The following PFKP variants were observed in gnomAD, a reference collection of about 807,000 sequenced individuals.
PFKP encodes phosphofructokinase, platelet.
In PFKP, 101 loss-of-function variants were observed where a neutral mutation model predicts 94.3. The ratio of observed to expected loss-of-function variants is 1.07; its 90% confidence interval spans 0.91 to 1.26. The LOEUF is 1.26. Ranked by LOEUF, PFKP falls within the 50% of genes most tolerant of loss-of-function variation. The probability of loss-of-function intolerance (pLI) is 0.00; values close to 1 mark genes in which losing one functional copy is unlikely to be tolerated. For synonymous variants in PFKP, 573 were observed against 432.6 expected (o/e 1.32, Z -4.03); for missense variants, 1,145 against 1,103.3 (o/e 1.04, Z -0.53).
intron 1 of PFKP, among the ~76,000 whole-genome samples, chr10:3,081,475 G>A (rs1234240481): frequency 1.3e-5 from 2 of 152,250 alleles, no homozygotes; most frequent in African/African-American, 4.8e-5. Flanking sequence ...GTGCTCTCAG[G>A]TGTGTTTGGG....
intron 16 of PFKP, among the ~76,000 whole-genome samples, chr10:3,127,200 C>T (rs1235228574): frequency 6.6e-6 from 1 of 152,238 alleles, no homozygotes; most frequent in Non-Finnish European, 1.5e-5. Context: ...TGTATCTAAG[C>T]TCCAGCAAAG....
chr10:3,088,006 T>TTTTTA (rs1270874323), intron 2 of PFKP, among the ~76,000 whole-genome samples: 1 of 149,230 alleles, frequency 6.7e-6, no homozygotes, highest in African/African-American at 2.5e-5. Context: ...TTTTTTTTTT[T>TTTTTA]ACATTATACT....
chr10:3,116,726 T>C (rs1160299409), intron 13 of PFKP, 50 bp from the exon 14 acceptor site: 2 of 1,404,864 alleles, frequency 1.4e-6, no homozygotes, highest in Admixed American at 1.7e-5. Context: ...ACTTTGCAAC[T>C]TGCCTTTCAT....
At chr10:3,077,731 G>C (rs1385230939) in intron 1 of PFKP, among the ~76,000 whole-genome samples, 1 of 152,198 alleles carries the variant, frequency 6.6e-6, no homozygotes, top group Non-Finnish European at 1.5e-5. Context: ...GGATGACTCT[G>C]ACTCAAGGAA....
chr10:3,114,128 G>A lies in PFKP; in HGVS notation c.1371+610G>A, dbSNP rs529039235. ...TTGTGGCTATTTGTTTATCTGATTAGCCAACAAATACCTACTTTGTGAAAT... is the reference window on the plus strand; with the variant it reads ...TTGTGGCTATTTGTTTATCTGATTAACCAACAAATACCTACTTTGTGAAAT... On this transcript the variant is annotated intron_variant, in intron 13 of 21. Transcript: ENST00000381125. 1.7e-4 allele frequency among the ~76,000 whole-genome samples: 26 copies of A among 151,054 alleles called. No homozygotes were observed. In the South Asian group the frequency reaches 5.5e-3, roughly 32 times the overall value.
rs577968148 is a variant in PFKP, at chr10:3,075,396, T to C, written c.113-6992T>C. ...TGGTCGAAAGTCAAGAGGTACACAGTATACTCAAGGGCAGTATTGAAGAGC... is the reference window on the plus strand; with the variant it reads ...TGGTCGAAAGTCAAGAGGTACACAGCATACTCAAGGGCAGTATTGAAGAGC... On this transcript the variant is annotated intron_variant, in intron 1 of 21. Transcript: ENST00000381125. 2.5e-4 allele frequency among the ~76,000 whole-genome samples: 38 copies of C among 151,772 alleles called. 1 individual carries two copies. In the East Asian group the frequency reaches 6.4e-3, roughly 26 times the overall value.
At chr10:3,135,917 C>T (rs570871048) in intron 21 of PFKP, 79 bp downstream of exon 21, 65 of 843,588 alleles carry the variant, frequency 7.7e-5, no homozygotes, top group Middle Eastern at 2.3e-4. Flanking sequence ...CTGTTGCTGT[C>T]GGCAACTCAT....
At chr10:3,086,538 G>C (rs1441114538) in intron 2 of PFKP, among the ~76,000 whole-genome samples, 1 of 152,188 alleles carries the variant, frequency 6.6e-6, no homozygotes, top group Non-Finnish European at 1.5e-5. Context: ...GGAATGTACT[G>C]GGGAGAGGCC....
At chr10:3,075,561 T>C (rs550923097) in intron 1 of PFKP, among the ~76,000 whole-genome samples, 1 of 144,460 alleles carries the variant, frequency 6.9e-6, no homozygotes, top group East Asian at 2.0e-4. Context: ...TATATGCAAT[T>C]TTAAATGATC....
intron 1 of PFKP, among the ~76,000 whole-genome samples, chr10:3,074,722 A>T (rs188136629): frequency 6.6e-6 from 1 of 152,340 alleles, no homozygotes; most frequent in African/African-American, 2.4e-5. Context: ...GTTAAAGGAG[A>T]ATCTTCATAG....
chr10:3,100,109 G>C (rs1240971944), intron 3 of PFKP, among the ~76,000 whole-genome samples: 1 of 151,546 alleles, frequency 6.6e-6, no homozygotes, highest in Non-Finnish European at 1.5e-5. Flanking sequence ...GAGAGAATGG[G>C]AATGGCACCC....
chr10:3,068,678 C>G, intron 1 of PFKP: 3 of 984,724 alleles, frequency 3.0e-6, no homozygotes, highest in Non-Finnish European at 3.6e-6. Flanking sequence ...CCCCAGGCCC[C>G]GGGTGCACGT....
At chr10:3,108,162 G>A (rs1457948994) in intron 8 of PFKP, among the ~76,000 whole-genome samples, 1 of 152,202 alleles carries the variant, frequency 6.6e-6, no homozygotes, top group Non-Finnish European at 1.5e-5. Flanking sequence ...GGACCGAGAA[G>A]GAACCAAGGA....
At chr10:3,108,918 C>A in intron 9 of PFKP, 125 bp downstream of exon 9, 2 of 729,502 alleles carry the variant, frequency 2.7e-6, no homozygotes, top group South Asian at 3.1e-5. Flanking sequence ...GCGGCCCGGC[C>A]CTCATCTTAA....
rs1036350550 is a variant in PFKP, at chr10:3,115,513, C to T, written c.1372-1263C>T. ...GGATGCTGGGGTGAAGGTGTGTGTC[C>T]CACAGCTGAGGATAGGATTGGGGAT... On this transcript the variant is annotated intron_variant, in intron 13 of 21. Transcript: ENST00000381125. Among the ~76,000 whole-genome samples, 10 of 148,556 alleles carry T rather than the reference C, an allele frequency of 6.7e-5. 1 individual carries two copies. The highest frequency in any genetic ancestry group is 2.5e-4 in the African/African-American group (10 of 40,160).
chr10:3,078,313 C>T (rs969232669), intron 1 of PFKP, among the ~76,000 whole-genome samples: 15 of 152,342 alleles, frequency 9.8e-5, no homozygotes, highest in East Asian at 5.8e-4. Flanking sequence ...GGTGACAGCC[C>T]GCCAGTAAAT....
Position 3,113,120 on chromosome 10 carries a change from A to G in PFKP, c.1156A>G (p.Ser386Gly), listed in dbSNP as rs1407375766. 1 of 1,612,512 alleles carries G rather than the reference A, an allele frequency of 6.2e-7. No individual in the cohort carries two copies. Reference sequence around the variant, plus strand: ...TCCAACGACACCCTTTTCCTTTAGGAGCTTTGCGGGCAACCTGAACACCTA... The same window carrying G: ...TCCAACGACACCCTTTTCCTTTAGGGGCTTTGCGGGCAACCTGAACACCTA... ...FQDAVRLRGR[S>G]FAGNLNTYKR... Residue 386 changes from serine to glycine, a missense_variant and splice_region_variant, in exon 12 of 22, where the codon AGC (serine) becomes GGC (glycine). Physicochemically the swap from Ser to Gly is moderately conservative, Grantham distance 56 (BLOSUM62 0). Around this residue, in one of 3 missense-constraint regions of PFKP, gnomAD observed 1,119 missense variants for 1,062.8 expected, o/e 1.05. Coordinates refer to ENST00000381125, the MANE Select transcript of PFKP (RefSeq NM_002627.5).
At chr10:3,118,894 G>T in intron 15 of PFKP, 25 bp downstream of exon 15, 1 of 1,577,652 alleles carries the variant, frequency 6.3e-7, no homozygotes, top group Non-Finnish European at 8.7e-7. Flanking sequence ...CTCTCTTGCC[G>T]GTCTTGCAGG....
At position 3,103,669 on chromosome 10, in the gene PFKP, T is replaced by G. The variant is rs1835240015; in HGVS notation, c.455-110T>G. On this transcript the variant is annotated intron_variant, in intron 4 of 21. Transcript: ENST00000381125. ...GAAATGATACCAATAACAAAGAGTT[T>G]AGAATGGTTGATTTCTCTACCCATG... The G allele has an allele frequency of 9.6e-6, 10 of 1,042,982 alleles. No homozygotes were observed. The South Asian group carries it at 1.2e-4, about 12-fold the overall frequency. The allele number at this position is 1,042,982 out of a possible 1,614,324, so 64.6% of individuals were successfully genotyped here. A position where few individuals can be genotyped will look rare whatever the true frequency, so the allele number is the denominator to read the frequency against.
Sources: gnomAD v4.1 joint callset for allele counts (sites outside exome capture counted in the v4.1 genomes callset) on GRCh38, gnomAD v4.1.1 for gene constraint, gnomAD v4.1.1 regional missense constraint, MANE v1.5 for transcripts, NCBI Gene and HGNC (gene_info 2026-07-23, HGNC 2026-07-21) for gene names.